The following NBDY variants were observed in gnomAD, a reference collection of about 807,000 sequenced individuals.
NBDY encodes negative regulator of P-body association.
At chrX:56,738,399 C>T (rs775980804) in intron 2 of NBDY, among the ~76,000 whole-genome samples, 117 of 111,859 alleles carry the variant, frequency 1.0e-3, no homozygotes, top group Non-Finnish European at 1.7e-3. Context: ...TGGACACCAG[C>T]TGGGTGTTCT....
At chrX:56,754,910 GAAAATATCAACAAAATTGAC>G (rs1276457983) in intron 2 of NBDY, among the ~76,000 whole-genome samples, 1 of 111,542 alleles carries the variant, frequency 9.0e-6, no homozygotes, top group Non-Finnish European at 1.9e-5. Context: ...TGATTTTTTT[GAAAATATCAACAAAATTGAC>G]AAAACGTTAC....
At chrX:56,787,639 T>C (rs1160846269) in intron 2 of NBDY, among the ~76,000 whole-genome samples, 4 of 111,833 alleles carry the variant, frequency 3.6e-5, no homozygotes, top group Non-Finnish European at 7.5e-5. Flanking sequence ...GGGGTAGGGG[T>C]AGATAAAGTC....
At chrX:56,739,025 A>G (rs1207585741) in intron 2 of NBDY, among the ~76,000 whole-genome samples, 1 of 107,317 alleles carries the variant, frequency 9.3e-6, no homozygotes, top group Non-Finnish European at 1.9e-5. Flanking sequence ...CTTATGACCC[A>G]CAGTCAAACT....
chrX:56,810,636 G>T (rs1157556083), intron 2 of NBDY, among the ~76,000 whole-genome samples: 6 of 109,778 alleles, frequency 5.5e-5, no homozygotes, highest in African/African-American at 2.0e-4. Flanking sequence ...GGTTATTCTA[G>T]TTAGCAATTC....
chrX:56,784,944 A>G (rs1229828059), intron 2 of NBDY, among the ~76,000 whole-genome samples: 1 of 112,341 alleles, frequency 8.9e-6, no homozygotes, highest in Non-Finnish European at 1.9e-5. Flanking sequence ...TGGAACACAC[A>G]GCTCTTCAAA....
At chrX:56,751,274 C>A in intron 2 of NBDY, among the ~76,000 whole-genome samples, 1 of 111,494 alleles carries the variant, frequency 9.0e-6, no homozygotes, top group African/African-American at 3.3e-5. Flanking sequence ...CAAATTCCTG[C>A]TCATTTGTCA....
At chrX:56,797,798 A>G (rs1346811015) in intron 2 of NBDY, among the ~76,000 whole-genome samples, 3 of 111,628 alleles carry the variant, frequency 2.7e-5, no homozygotes, top group Non-Finnish European at 5.6e-5. Context: ...GCAGGAACTC[A>G]CAGACCACAG....
chrX:56,746,848 C>T lies in NBDY; in HGVS notation c.*166+14649C>T, dbSNP rs183321481. On this transcript the variant is annotated intron_variant, in intron 2 of 2. Coordinates refer to ENST00000374922, the MANE Select transcript of NBDY (RefSeq NM_001348129.2). ...AGTCCCTCTCATACTTAGAATTTCT[C>T]CATTTTCTTTTGTCATTACATCTTT... Among the ~76,000 whole-genome samples, 26 of 111,918 alleles carry T rather than the reference C, an allele frequency of 2.3e-4. No individual in the cohort carries two copies. In the East Asian group the frequency reaches 7.3e-3, roughly 32 times the overall value.
intron 2 of NBDY, among the ~76,000 whole-genome samples, chrX:56,743,534 C>T (rs748536859): frequency 4.5e-5 from 5 of 110,575 alleles, no homozygotes; most frequent in Admixed American, 9.6e-5. Flanking sequence ...AGGAGTTTCT[C>T]TATTTAGTCT....
chrX:56,760,726 GAAAC>G (rs2146722604), intron 2 of NBDY, among the ~76,000 whole-genome samples: 2 of 111,735 alleles, frequency 1.8e-5, no homozygotes, highest in African/African-American at 6.5e-5. Context: ...AAAAAACAAA[GAAAC>G]AAACCGGCCA....
intron 2 of NBDY, among the ~76,000 whole-genome samples, chrX:56,754,492 T>C (rs1212201437): frequency 8.9e-6 from 1 of 111,806 alleles, no homozygotes; most frequent in Non-Finnish European, 1.9e-5. Flanking sequence ...CAAGCTTCAA[T>C]AAATTTAAAA....
chrX:56,733,285 T>A (rs1352028862), intron 2 of NBDY, among the ~76,000 whole-genome samples: 1 of 111,045 alleles, frequency 9.0e-6, no homozygotes, highest in Non-Finnish European at 1.9e-5. Context: ...CCCATTCTAG[T>A]TTAACTTTAT....
chrX:56,805,068 C>T (rs1023791984), intron 2 of NBDY, among the ~76,000 whole-genome samples: 4 of 112,182 alleles, frequency 3.6e-5, no homozygotes, highest in Non-Finnish European at 5.6e-5. Context: ...CCTACTCTCA[C>T]GAACGTCAGT....
At chrX:56,750,976 A>AT (rs2069581932) in intron 2 of NBDY, among the ~76,000 whole-genome samples, 1 of 111,277 alleles carries the variant, frequency 9.0e-6, no homozygotes, top group Non-Finnish European at 1.9e-5. Flanking sequence ...TCCTTTAATG[A>AT]TTTTTTGCTT....
intron 2 of NBDY, among the ~76,000 whole-genome samples, chrX:56,814,112 TTTTC>T (rs2146744709): frequency 8.9e-6 from 1 of 111,878 alleles, no homozygotes; most frequent in Admixed American, 9.5e-5. Context: ...GATTTTTGCA[TTTTC>T]TTTCTATCAA....
At chrX:56,743,031 C>T (rs201200118) in intron 2 of NBDY, among the ~76,000 whole-genome samples, 2 of 111,049 alleles carry the variant, frequency 1.8e-5, no homozygotes, top group African/African-American at 3.3e-5. Flanking sequence ...TTTATCATGA[C>T]GGCATGTTGA....
At chrX:56,790,626 A>C (rs757394241) in intron 2 of NBDY, among the ~76,000 whole-genome samples, 1 of 112,565 alleles carries the variant, frequency 8.9e-6, no homozygotes, top group Non-Finnish European at 1.9e-5. Flanking sequence ...TAGGAGTGAC[A>C]TGGCAACTCT....
chrX:56,793,891 C>T (rs937832218), intron 2 of NBDY, among the ~76,000 whole-genome samples: 1 of 111,963 alleles, frequency 8.9e-6, no homozygotes, highest in Non-Finnish European at 1.9e-5. Flanking sequence ...ACTCAGCATC[C>T]TGAAGCTCCT....
chrX:56,786,358 T>A (rs1339762983), intron 2 of NBDY, among the ~76,000 whole-genome samples: 1 of 111,830 alleles, frequency 8.9e-6, no homozygotes, highest in East Asian at 2.8e-4. Context: ...TATGGCTCTT[T>A]GTCCTTTGTT....
Sources: allele counts gnomAD v4.1 joint callset (sites outside exome capture counted in the v4.1 genomes callset), GRCh38; gene constraint gnomAD v4.1.1; transcripts MANE v1.5; gene names NCBI Gene and HGNC (gene_info 2026-07-23, HGNC 2026-07-21).